The following COL4A5 variants were observed in gnomAD, a reference collection of about 807,000 sequenced individuals.
The protein encoded by COL4A5 is collagen alpha-5(IV) chain.
A neutral mutation model predicts 130.2 loss-of-function variants in COL4A5; 26 were observed. The observed-to-expected ratio is 0.20, with a 90% CI of 0.15 to 0.28. COL4A5 has a LOEUF of 0.28. Ranked by LOEUF, COL4A5 falls within the 10% of genes least tolerant of loss-of-function variation. The pLI is 1.00. For synonymous variants in COL4A5, 496 were observed against 439.6 expected (o/e 1.13, Z -1.60); for missense variants, 1,131 against 1,344.3 (o/e 0.84, Z 2.48).
chrX:108,664,042 G>A (rs774762502), intron 37 of COL4A5, among the ~76,000 whole-genome samples: 2 of 111,252 alleles, frequency 1.8e-5, no homozygotes, highest in African/African-American at 3.3e-5. Flanking sequence ...GAAATTAGCC[G>A]GGCATGGTGG....
intron 32 of COL4A5, 119 bp downstream of exon 32, chrX:108,622,011 A>T (rs748223601): frequency 1.8e-6 from 1 of 552,287 alleles, no homozygotes; most frequent in African/African-American, 2.3e-5. Context: ...TTGTGTTTCT[A>T]TGTAACATGG....
At chrX:108,536,516 A>G (rs904127898) in intron 1 of COL4A5, among the ~76,000 whole-genome samples, 3 of 110,932 alleles carry the variant, frequency 2.7e-5, no homozygotes, top group Non-Finnish European at 5.7e-5. Context: ...TTTCATATGA[A>G]CTTAGCCTTT....
At chrX:108,518,178 C>T (rs1298974141) in intron 1 of COL4A5, among the ~76,000 whole-genome samples, 1 of 110,993 alleles carries the variant, frequency 9.0e-6, no homozygotes, top group Non-Finnish European at 1.9e-5. Flanking sequence ...GAGTAATTTT[C>T]TAATATAGAA....
chrX:108,486,521 G>T (rs1405806347), intron 1 of COL4A5, among the ~76,000 whole-genome samples: 4 of 111,112 alleles, frequency 3.6e-5, no homozygotes, highest in Non-Finnish European at 5.7e-5. Context: ...CCCATCACCC[G>T]AGCAGTGTAC....
Position 108,666,991 on chromosome X carries a change from G to A in COL4A5, c.3554-142G>A, listed in dbSNP as rs1182013240. Reference sequence around the variant, plus strand: ...CATGTTAGAATTGCAGTTCTGTGTTGGAAATAAATCTTCTGCATGTTTCAT... The same window carrying A: ...CATGTTAGAATTGCAGTTCTGTGTTAGAAATAAATCTTCTGCATGTTTCAT... On this transcript the variant is annotated intron_variant, in intron 39 of 52. Coordinates refer to ENST00000328300, the MANE Select transcript of COL4A5 (RefSeq NM_033380.3). 4 of 526,048 alleles carry A rather than the reference G, an allele frequency of 7.6e-6. No individual in the cohort carries two copies. In the Admixed American group the frequency reaches 1.2e-4, roughly 16 times the overall value. The allele number at this position is 526,048 out of a possible 1,213,427, so 43.4% of individuals were successfully genotyped here. A position where few individuals can be genotyped will look rare whatever the true frequency, so the allele number is the denominator to read the frequency against.
intron 41 of COL4A5, among the ~76,000 whole-genome samples, chrX:108,669,135 A>G (rs1411991075): frequency 1.8e-5 from 2 of 111,850 alleles, no homozygotes; most frequent in African/African-American, 6.5e-5. Context: ...TTTGCATCCA[A>G]TGTTCACCTT....
At chrX:108,568,520 C>G in intron 4 of COL4A5, 109 bp from the exon 5 acceptor site, 1 of 567,916 alleles carries the variant, frequency 1.8e-6, no homozygotes. Context: ...TAGTGAGACA[C>G]AATTTTTCCA....
At chrX:108,481,572 A>T (rs149973594) in intron 1 of COL4A5, among the ~76,000 whole-genome samples, 2 of 112,124 alleles carry the variant, frequency 1.8e-5, no homozygotes, top group African/African-American at 6.5e-5. Context: ...ACTGTGATTG[A>T]TTAGCCAATG....
intron 36 of COL4A5, among the ~76,000 whole-genome samples, chrX:108,654,873 A>C (rs2067806531): frequency 8.9e-6 from 1 of 112,814 alleles, no homozygotes; most frequent in Non-Finnish European, 1.9e-5. Context: ...ATGGCACAGT[A>C]GGAATGATAA....
At chrX:108,625,633 A>T in intron 34 of COL4A5, 72 bp from the exon 35 acceptor site, 1 of 634,837 alleles carries the variant, frequency 1.6e-6, no homozygotes, top group Non-Finnish European at 2.7e-6. Flanking sequence ...TTTAATGACT[A>T]TCCATTCCCA....
intron 29 of COL4A5, among the ~76,000 whole-genome samples, chrX:108,612,279 T>C (rs899473462): frequency 1.8e-5 from 2 of 111,002 alleles, no homozygotes; most frequent in Admixed American, 1.9e-4. Flanking sequence ...AGGTTCAATA[T>C]TGTATTGGAA....
intron 37 of COL4A5, among the ~76,000 whole-genome samples, chrX:108,660,489 T>C (rs2067935236): frequency 8.9e-6 from 1 of 112,115 alleles, no homozygotes; most frequent in African/African-American, 3.2e-5. Context: ...CCATTTTAAA[T>C]AAATTTTTCA....
chrX:108,610,518 T>C (rs1277676651), intron 29 of COL4A5, among the ~76,000 whole-genome samples: 1 of 111,999 alleles, frequency 8.9e-6, no homozygotes, highest in Non-Finnish European at 1.9e-5. Flanking sequence ...CCACCAGTTA[T>C]CTCCCCTAGC....
intron 1 of COL4A5, among the ~76,000 whole-genome samples, chrX:108,446,965 C>A (rs1229034852): frequency 4.5e-5 from 5 of 111,294 alleles, no homozygotes; most frequent in Non-Finnish European, 1.9e-5. Context: ...ACTTTTCTCC[C>A]CTGGGCAGAA....
At chrX:108,623,327 C>A (rs1394553192) in intron 33 of COL4A5, among the ~76,000 whole-genome samples, 3 of 111,346 alleles carry the variant, frequency 2.7e-5, no homozygotes, top group African/African-American at 9.8e-5. Context: ...CTATGAACAG[C>A]CAAGTTCAGC....
chrX:108,539,411 T>A (rs1461296111), intron 1 of COL4A5, among the ~76,000 whole-genome samples: 1 of 111,630 alleles, frequency 9.0e-6, no homozygotes, highest in East Asian at 2.8e-4. Flanking sequence ...TGTGCATGGG[T>A]TTTTGTTGTT....
chrX:108,578,782 C>A (rs946875138), intron 13 of COL4A5, among the ~76,000 whole-genome samples: 4 of 107,548 alleles, frequency 3.7e-5, no homozygotes, highest in African/African-American at 1.4e-4. Flanking sequence ...CAGGTTCAAG[C>A]GATTCTCCTG....
At chrX:108,606,222 A>G (rs777464007) in intron 28 of COL4A5, among the ~76,000 whole-genome samples, 8 of 111,941 alleles carry the variant, frequency 7.1e-5, no homozygotes, top group Non-Finnish European at 1.3e-4. Context: ...TCACATATCC[A>G]TCACCCAGAT....
chrX:108,633,324 T>A (rs1262042262), intron 36 of COL4A5, among the ~76,000 whole-genome samples: 1 of 111,390 alleles, frequency 9.0e-6, no homozygotes, highest in African/African-American at 3.3e-5. Flanking sequence ...ATTTATATAT[T>A]TCTTACAGGA....
Sources: allele counts gnomAD v4.1 joint callset (sites outside exome capture counted in the v4.1 genomes callset), GRCh38; gene constraint gnomAD v4.1.1; transcripts MANE v1.5; gene names NCBI Gene and HGNC (gene_info 2026-07-23, HGNC 2026-07-21).